The following TMEM178B variants were observed in gnomAD, a reference collection of about 807,000 sequenced individuals.
TMEM178B encodes transmembrane protein 178B.
A neutral mutation model predicts 31.0 loss-of-function variants in TMEM178B; 5 were observed. The observed-to-expected ratio is 0.16, with a 90% confidence interval of 0.08 to 0.34. The LOEUF is 0.34. TMEM178B is among the 10% of genes least tolerant of loss of function. The pLI, the probability that TMEM178B is intolerant of heterozygous loss-of-function variation, is 1.00. For missense variants in TMEM178B, 275 were observed against 400.3 expected, an observed-to-expected ratio of 0.69 and a Z score of 2.67; for synonymous variants, 164 against 164.0, an observed-to-expected ratio of 1.00 and a Z score of 0.00.
Position 141,470,887 on chromosome 7 carries a change from T to C in TMEM178B, c.*101T>C, listed in dbSNP as rs1586982619. The C allele has an allele frequency of 1.4e-6, 1 of 733,082 alleles. No homozygotes were observed. The highest frequency in any genetic ancestry group is 1.7e-6 in the Non-Finnish European group (1 of 584,276). The allele number at this position is 733,082 out of a possible 1,614,324, so 45.4% of individuals were successfully genotyped here. On this transcript the variant is annotated 3_prime_UTR_variant, in exon 4 of 4. Coordinates refer to ENST00000565468, the MANE Select transcript of TMEM178B (RefSeq NM_001195278.2). ...AATCAAGACGATGCCAGTGCCAAGGTAGAGTTGAGTTGGCTCAGGCACCTG... is the reference window on the plus strand; with the variant it reads ...AATCAAGACGATGCCAGTGCCAAGGCAGAGTTGAGTTGGCTCAGGCACCTG...
intron 3 of TMEM178B, among the ~76,000 whole-genome samples, chr7:141,448,269 GAGGGAGT>G (rs1801798375): frequency 6.6e-6 from 1 of 152,130 alleles, no homozygotes; most frequent in Admixed American, 6.5e-5. Context: ...GCCTCCAGGG[GAGGGAGT>G]AAGATCAGAA....
At chr7:141,158,525 A>G (rs1347853675) in intron 1 of TMEM178B, among the ~76,000 whole-genome samples, 4 of 152,174 alleles carry the variant, frequency 2.6e-5, no homozygotes, top group African/African-American at 9.7e-5. Flanking sequence ...TATTTGTTGA[A>G]TGTTTAAAGA....
At chr7:141,426,190 A>G (rs1801313358) in intron 2 of TMEM178B, among the ~76,000 whole-genome samples, 1 of 152,218 alleles carries the variant, frequency 6.6e-6, no homozygotes, top group Non-Finnish European at 1.5e-5. Flanking sequence ...TCCTCACCCT[A>G]CACTATGCCA....
rs1301198772 is a variant in TMEM178B, at chr7:141,288,196, T to C, written c.496+75492T>C. Among the ~76,000 whole-genome samples, 2 of 43,016 alleles carry C rather than the reference T, an allele frequency of 4.6e-5. 1 individual carries two copies. The highest frequency in any genetic ancestry group is 9.4e-4 in the South Asian group (2 of 2,128). 28.2% of individuals were successfully genotyped at this position (43,016 alleles called of 152,430 possible). A position where few individuals can be genotyped will look rare whatever the true frequency, so the allele number is the denominator to read the frequency against. Reference sequence around the variant, plus strand: ...TGGCCCTCTTTAGATGCCTCTACTCTTTTTTTTTTTCCCCCTCTGGGATTG... The same window carrying C: ...TGGCCCTCTTTAGATGCCTCTACTCCTTTTTTTTTTCCCCCTCTGGGATTG... On this transcript the variant is annotated intron_variant, in intron 2 of 3. Coordinates refer to ENST00000565468, the MANE Select transcript of TMEM178B (RefSeq NM_001195278.2).
At chr7:141,481,046 C>G (rs1802465616), downstream of TMEM178B, among the ~76,000 whole-genome samples, 1 of 152,350 alleles carries the variant, frequency 6.6e-6, no homozygotes, top group Non-Finnish European at 1.5e-5. Context: ...CGTGGCTGAG[C>G]AGCCAGAATC....
intron 2 of TMEM178B, among the ~76,000 whole-genome samples, chr7:141,252,744 G>A (rs1408269623): frequency 2.0e-5 from 3 of 152,214 alleles, no homozygotes; most frequent in African/African-American, 7.2e-5. Flanking sequence ...ACCACAGACT[G>A]TATGGTACAG....
chr7:141,269,433 A>G lies in TMEM178B; in HGVS notation c.496+56729A>G, dbSNP rs929635172. ...TTTAAAACAGCTTTAAAGAGAAACAATTTTTCTTCAGTTAATAATGTAAAA... is the reference window on the plus strand; with the variant it reads ...TTTAAAACAGCTTTAAAGAGAAACAGTTTTTCTTCAGTTAATAATGTAAAA... On this transcript the variant is annotated intron_variant, in intron 2 of 3. Transcript: ENST00000565468. Among the ~76,000 whole-genome samples the G allele has an allele frequency of 4.6e-5, 7 of 152,126 alleles. No individual in the cohort carries two copies. The East Asian group carries it at 1.2e-3, about 25-fold the overall frequency.
intron 1 of TMEM178B, among the ~76,000 whole-genome samples, chr7:141,078,245 G>A (rs1232862500): frequency 6.6e-6 from 1 of 151,978 alleles, no homozygotes; most frequent in Non-Finnish European, 1.5e-5. Context: ...TTGTTCTAGG[G>A]AACTCTAAGG....
At chr7:141,262,754 G>A (rs937198229) in intron 2 of TMEM178B, among the ~76,000 whole-genome samples, 6 of 152,022 alleles carry the variant, frequency 3.9e-5, no homozygotes, top group Non-Finnish European at 7.4e-5. Flanking sequence ...AATATTAGGC[G>A]TAAGTGACTG....
chr7:141,191,389 T>C (rs1177864519), intron 1 of TMEM178B, among the ~76,000 whole-genome samples: 1 of 152,194 alleles, frequency 6.6e-6, no homozygotes, highest in Non-Finnish European at 1.5e-5. Flanking sequence ...CTGGGTCAAA[T>C]TGAGGCTTTG....
In TMEM178B at chr7:141,461,114, G is replaced by C. The variant is rs1802051922; in HGVS notation, c.635-9422G>C. On this transcript the variant is annotated intron_variant, in intron 3 of 3. Coordinates refer to ENST00000565468, the MANE Select transcript of TMEM178B (RefSeq NM_001195278.2). The surrounding 1 kb of genome is among the most constrained non-coding windows in gnomAD (Gnocchi z 4.0). ...CAGGACGGATGTGCCACTGTTGAAG[G>C]AGGAGGCCCTCTCCTTCTGTTTGCT... Among the ~76,000 whole-genome samples, 1 of 152,238 alleles carries C rather than the reference G, an allele frequency of 6.6e-6. No homozygotes were observed. Among genetic ancestry groups the C allele is most frequent in the Non-Finnish European group, 1.5e-5 (1 of 68,044 alleles).
At chr7:141,462,670 A>C (rs1475424672) in intron 3 of TMEM178B, among the ~76,000 whole-genome samples, 2 of 152,104 alleles carry the variant, frequency 1.3e-5, no homozygotes, top group African/African-American at 4.8e-5. Flanking sequence ...GAGAAATATT[A>C]ATGAGGGATG....
chr7:141,107,309 G>A (rs1052964333), intron 1 of TMEM178B, among the ~76,000 whole-genome samples: 4 of 152,174 alleles, frequency 2.6e-5, no homozygotes, highest in African/African-American at 9.7e-5. Context: ...GCAGACCAGT[G>A]ATATAATCTG....
At chr7:141,341,247 A>G (rs746025415) in intron 2 of TMEM178B, among the ~76,000 whole-genome samples, 2 of 152,236 alleles carry the variant, frequency 1.3e-5, no homozygotes, top group African/African-American at 2.4e-5. Context: ...ATAAGATGAC[A>G]TCTAAGGATT....
the TMEM178B span, among the ~76,000 whole-genome samples, chr7:141,488,183 C>G: frequency 2.1e-4 from 32 of 152,182 alleles, 1 homozygote; most frequent in African/African-American, 7.2e-4. Context: ...AAGTAGTTCT[C>G]ATTAATTCTG....
At chr7:141,500,602 A>G in the TMEM178B span, among the ~76,000 whole-genome samples, 208 of 152,308 alleles carry the variant, frequency 1.4e-3, 1 homozygote, top group African/African-American at 4.7e-3. Flanking sequence ...GTGTAGTCCT[A>G]CGGAATTTCA....
At chr7:141,203,434 A>G (rs970400195) in intron 1 of TMEM178B, among the ~76,000 whole-genome samples, 1 of 152,230 alleles carries the variant, frequency 6.6e-6, no homozygotes, top group Admixed American at 6.5e-5. Context: ...TGGACACTCC[A>G]GACATTGTCA....
At chr7:141,498,125 G>C in the TMEM178B span, among the ~76,000 whole-genome samples, 3 of 152,344 alleles carry the variant, frequency 2.0e-5, no homozygotes, top group African/African-American at 7.2e-5. Flanking sequence ...TCCAGAGTCA[G>C]ATGGAAGAGA....
At position 141,098,974 on chromosome 7, in the gene TMEM178B, A is replaced by AAAAC. The variant is rs201052116; in HGVS notation, c.382+24304_382+24307dup. The stretch of plus-strand genomic sequence containing the variant: ...TATTTACAAAAACCAAACCCAAAAC[A>AAAAC]AAACAAACAAACAAACAAACAAACA... On this transcript the variant is annotated intron_variant, in intron 1 of 3. Transcript: ENST00000565468. Among the ~76,000 whole-genome samples, 466 of 152,260 alleles carry AAAAC rather than the reference A, an allele frequency of 3.1e-3. 6 individuals carry two copies. In the East Asian group the frequency reaches 0.052, roughly 17 times the overall value.
Sources: allele counts gnomAD v4.1 joint callset (sites outside exome capture counted in the v4.1 genomes callset), GRCh38; gene constraint gnomAD v4.1.1; non-coding constraint Gnocchi (gnomAD v3.1); transcripts MANE v1.5; gene names NCBI Gene and HGNC (gene_info 2026-07-23, HGNC 2026-07-21).